PPIL2: variants seen among roughly 807,000 people sequenced by gnomAD.
The protein encoded by PPIL2 is peptidylprolyl isomerase like 2.
PPIL2 carries 50 observed loss-of-function variants against 75.2 expected under a neutral mutation model. That is an observed-to-expected ratio of 0.66 (90% CI 0.53 to 0.84). PPIL2 has a LOEUF of 0.84. Among genes scored for constraint, PPIL2 ranks in the 40% least tolerant of loss-of-function variants. The pLI is 0.00. For synonymous variants in PPIL2, 245 were observed against 258.8 expected, an observed-to-expected ratio of 0.95 and a Z score of 0.51; for missense variants, 590 against 685.0, an observed-to-expected ratio of 0.86 and a Z score of 1.55.
At chr22:21,673,560 C>A (rs2066718343) in intron 5 of PPIL2, 1 of 152,292 alleles carries the variant, frequency 6.6e-6, no homozygotes, top group South Asian at 2.1e-4. Flanking sequence ...GCCCCCACAC[C>A]CACAAAGTCT....
At chr22:21,692,397 G>T (rs144576196) in intron 15 of PPIL2, among the ~76,000 whole-genome samples, 9 of 149,172 alleles carry the variant, frequency 6.0e-5, no homozygotes, top group Admixed American at 1.4e-4. Flanking sequence ...CTTGTGATCC[G>T]CCCACCTTGG....
chr22:21,692,444 G>GTAAT (rs1569045213), intron 15 of PPIL2, among the ~76,000 whole-genome samples: 1 of 151,906 alleles, frequency 6.6e-6, no homozygotes, highest in East Asian at 2.0e-4. Context: ...GTGAGCCACT[G>GTAAT]TGCCTGGCCA....
intron 9 of PPIL2, among the ~76,000 whole-genome samples, chr22:21,683,771 G>A (rs968387370): frequency 6.6e-6 from 1 of 152,220 alleles, no homozygotes; most frequent in Non-Finnish European, 1.5e-5. Flanking sequence ...CAGGGATGCC[G>A]GCCCCTCTCC....
rs574522212 is a variant in PPIL2, at chr22:21,685,462, T to C, written c.714+549T>C. On this transcript the variant is annotated intron_variant, in intron 10 of 19. Transcript: ENST00000398831. ...TCCTGTCAGGCAGAGCATGGGGATC[T>C]GGAGCTAGGGGGAGGGCAGAGACAT... is the stretch of plus-strand genomic sequence containing the variant. Among the ~76,000 whole-genome samples the C allele has an allele frequency of 3.3e-5, 5 of 152,274 alleles. No homozygotes were observed. In the East Asian group the frequency reaches 9.7e-4, roughly 29 times the overall value.
intron 10 of PPIL2, among the ~76,000 whole-genome samples, chr22:21,685,258 G>A (rs566932591): frequency 4.1e-4 from 62 of 152,372 alleles, no homozygotes; most frequent in African/African-American, 1.4e-3. Context: ...GGGCAGGCAC[G>A]TTGAGCGGGC....
intron 15 of PPIL2, among the ~76,000 whole-genome samples, chr22:21,692,012 C>T (rs916171939): frequency 6.6e-6 from 1 of 152,150 alleles, no homozygotes; most frequent in African/African-American, 2.4e-5. Flanking sequence ...CTGCACCACC[C>T]TGGGGAGTGC....
At chr22:21,676,309 T>TTGTGTGTGTGTGTGTGTG (rs61112126) in intron 6 of PPIL2, among the ~76,000 whole-genome samples, 212 of 123,030 alleles carry the variant, frequency 1.7e-3, no homozygotes, top group Non-Finnish European at 2.3e-3. Context: ...TTTATTTATT[T>TTGTGTGTGTGTGTGTGTG]TGTGTGTGTG....
chr22:21,669,041 T>C (rs1210407), intron 1 of PPIL2, among the ~76,000 whole-genome samples: 2 of 148,416 alleles, frequency 1.3e-5, no homozygotes, highest in Non-Finnish European at 3.0e-5. Flanking sequence ...TAGTAGAGAC[T>C]GGTTTCACCG....
At position 21,697,352 on chromosome 22, in the gene PPIL2, T is replaced by G. The variant is rs751920102; in HGVS notation, c.*1862T>G. On this transcript the variant is annotated 3_prime_UTR_variant, in exon 20 of 20. Transcript: ENST00000398831. ...CCCTGACAGACACCCTGGCTGGCCC[T>G]GACTGACTGTATTCTCTGGCCACAT... 1.1e-5 allele frequency: 3 copies of G among 263,582 alleles called. No individual in the cohort carries two copies. The highest frequency in any genetic ancestry group is 2.2e-5 in the Non-Finnish European group (3 of 135,362). The allele number at this position is 263,582 out of a possible 1,614,324, so 16.3% of individuals were successfully genotyped here.
intron 6 of PPIL2, among the ~76,000 whole-genome samples, chr22:21,678,802 C>T (rs1223427703): frequency 6.6e-6 from 1 of 152,136 alleles, no homozygotes; most frequent in Non-Finnish European, 1.5e-5. Flanking sequence ...TCAGAGCGCA[C>T]TGTTGCTTCG....
downstream of PPIL2, chr22:21,699,394 T>C (rs1182643794): frequency 3.3e-5 from 5 of 152,522 alleles, no homozygotes; most frequent in African/African-American, 9.6e-5. Context: ...ACCAAACTTA[T>C]CTGGGAGTGG....
chr22:21,692,321 AT>A (rs890802073), intron 15 of PPIL2, among the ~76,000 whole-genome samples: 1 of 151,402 alleles, frequency 6.6e-6, no homozygotes, highest in Non-Finnish European at 1.5e-5. Flanking sequence ...CGCCTGGCTA[AT>A]TTTTTGTATT....
chr22:21,669,356 C>T (rs1360838795), intron 1 of PPIL2: 2 of 452,168 alleles, frequency 4.4e-6, no homozygotes, highest in African/African-American at 2.0e-5. Flanking sequence ...GCTTTGTTGC[C>T]CCAGCTGTTC....
intron 1 of PPIL2, among the ~76,000 whole-genome samples, chr22:21,667,173 T>TTC (rs1192471450): frequency 4.1e-4 from 56 of 137,656 alleles, no homozygotes; most frequent in African/African-American, 1.4e-3. Flanking sequence ...TTTTTTTTTT[T>TTC]GAGACGCAGT....
At position 21,695,058 on chromosome 22, in the gene PPIL2, A is replaced by C; in HGVS notation, c.1454A>C (p.Asn485Thr). 1 of 1,608,056 alleles carries C rather than the reference A, an allele frequency of 6.2e-7. No homozygotes were observed. Residue 485 changes from asparagine to threonine, a missense_variant, in exon 19 of 20, where the codon AAC becomes ACC. Physicochemically the swap from Asn to Thr is moderately conservative, Grantham distance 65 (BLOSUM62 0). Coordinates refer to ENST00000398831, the MANE Select transcript of PPIL2 (RefSeq NM_014337.4). The stretch of plus-strand genomic sequence containing the variant: ...CGCCAGGGCGTGGGCAAGTACATCA[A>C]CCCAGCAGCCACGTGAGTGCCGCGG... ...TFRQGVGKYI[N>T]PAATKRAAEE...
At chr22:21,677,840 C>G (rs1183705732) in intron 6 of PPIL2, among the ~76,000 whole-genome samples, 1 of 152,122 alleles carries the variant, frequency 6.6e-6, no homozygotes, top group African/African-American at 2.4e-5. Flanking sequence ...GCAGGGTGTG[C>G]CAGAGGCTGC....
rs760588226 is a variant in PPIL2, at chr22:21,686,540, G to C, written c.772G>C (p.Glu258Gln). The change falls in exon 11 of 20, where the codon GAG (glutamate) becomes CAG (glutamine). Residue 258 changes from glutamate to glutamine, a missense_variant. Transcript: ENST00000398831. ...ASFTSTAMVP[E>Q]TTHEAAAIDE... ...CTTCACCTCCACCGCGATGGTCCCG[G>C]AGACCACACATGAAGCAGGTAGCCA... 1 of 1,614,154 alleles carries C rather than the reference G, an allele frequency of 6.2e-7. No individual in the cohort carries two copies. The highest frequency in any genetic ancestry group is 1.1e-5 in the South Asian group (1 of 91,086).
intron 2 of PPIL2, chr22:21,670,349 T>G: frequency 1.3e-6 from 2 of 1,509,964 alleles, no homozygotes; most frequent in Non-Finnish European, 1.8e-6. Context: ...ATAATTTTAA[T>G]GGAAGTAAAA....
chr22:21,681,195 C>A, intron 6 of PPIL2, 104 bp from the exon 7 acceptor site: 1 of 911,244 alleles, frequency 1.1e-6, no homozygotes, highest in Non-Finnish European at 1.8e-6. Context: ...CTCCTCCCAT[C>A]GCTGACTTTG....
Sources: gnomAD v4.1 joint callset for allele counts (sites outside exome capture counted in the v4.1 genomes callset) on GRCh38, gnomAD v4.1.1 for gene constraint, MANE v1.5 for transcripts, NCBI Gene and HGNC (gene_info 2026-07-23, HGNC 2026-07-21) for gene names.